PITPNM3: variants seen among roughly 807,000 people sequenced by gnomAD.
The protein encoded by PITPNM3 is membrane-associated phosphatidylinositol transfer protein 3.
Under a neutral mutation model 102.0 loss-of-function variants are expected in PITPNM3, and 26 were observed. The ratio of observed to expected loss-of-function variants is 0.25; its 90% confidence interval spans 0.19 to 0.35. The LOEUF is 0.35. Ranked by LOEUF, PITPNM3 falls within the 10% of genes least tolerant of loss-of-function variation. The probability of loss-of-function intolerance (pLI) is 1.00; values close to 1 mark genes in which losing one functional copy is unlikely to be tolerated. For synonymous variants in PITPNM3, 578 were observed against 558.6 expected (o/e 1.03, Z -0.49); for missense variants, 1,083 against 1,346.1 (o/e 0.80, Z 3.06).
chr17:6,470,350 G>A lies in PITPNM3; in HGVS notation c.1683C>T (p.Val561=). Residue 561 remains valine, a synonymous_variant, in exon 13 of 20, where the codon GTC becomes GTT. Transcript: ENST00000262483. The surrounding 1 kb of genome is among the most constrained non-coding windows in gnomAD (Gnocchi z 4.8). ...GGGCCACGGTGGGGAAGGCCGTGAGGACATCAGGGCAGTACAGGGCATAGT... is the reference window on the plus strand; with the variant it reads ...GGGCCACGGTGGGGAAGGCCGTGAGAACATCAGGGCAGTACAGGGCATAGT... The part of the protein sequence containing the change: ...RIDYALYCPD[V]LTAFPTVALP... 6.2e-7 allele frequency: 1 copy of A among 1,614,176 alleles called. No individual in the cohort carries two copies. Among genetic ancestry groups the A allele is most frequent in the Non-Finnish European group, 8.5e-7 (1 of 1,180,018 alleles).
intron 1 of PITPNM3, among the ~76,000 whole-genome samples, chr17:6,545,982 C>T (rs921600594): frequency 6.6e-6 from 1 of 152,220 alleles, no homozygotes; most frequent in Non-Finnish European, 1.5e-5. Context: ...AAGGCCCCCT[C>T]TCAGGGGAGC....
chr17:6,552,542 G>A (rs565500861), intron 1 of PITPNM3, among the ~76,000 whole-genome samples: 4 of 152,270 alleles, frequency 2.6e-5, no homozygotes, highest in South Asian at 2.1e-4. Context: ...GTCTTACCCC[G>A]GCACTCCTGT....
chr17:6,500,540 T>C (rs980456031), intron 4 of PITPNM3, among the ~76,000 whole-genome samples: 1 of 152,202 alleles, frequency 6.6e-6, no homozygotes, highest in Non-Finnish European at 1.5e-5. Context: ...GAAAAATACA[T>C]CACAGTATTA....
intron 6 of PITPNM3, chr17:6,481,873 GAGAGAGAGAGAGAGA>G: frequency 7.4e-6 from 1 of 135,892 alleles, no homozygotes; most frequent in Non-Finnish European, 1.6e-5. Context: ...GAGAGAGAGA[GAGAGAGAGAGAGAGA>G]GAGAGAGAGA....
intron 6 of PITPNM3, among the ~76,000 whole-genome samples, chr17:6,483,167 A>T (rs1387722514): frequency 6.6e-6 from 1 of 151,840 alleles, no homozygotes; most frequent in Non-Finnish European, 1.5e-5. Flanking sequence ...GATGGTCTTG[A>T]TCTTCTGACC....
rs764662987 is a variant in PITPNM3, at chr17:6,471,259, G to A, written c.1526C>T (p.Ser509Leu). 7 of 1,613,358 alleles carry A rather than the reference G, an allele frequency of 4.3e-6. No individual in the cohort carries two copies. Among genetic ancestry groups the A allele is most frequent in the South Asian group, 2.2e-5 (2 of 91,016 alleles). ...LDAPASPPQA[S>L]RFQRPGRRMS... ...CCTCCGTCCTGGGCGCTGGAACCTC[G>A]AGGCCTGAGGGGGCGAGGCAGGGGC... Residue 509 changes from serine (S) to leucine (L), a missense_variant, in exon 12 of 20, where the codon TCG becomes TTG. This residue lies in a region of PITPNM3 where 410 missense variants were observed against 638.4 expected (regional missense o/e 0.64). Transcript: ENST00000262483.
At chr17:6,471,062 G>T in intron 12 of PITPNM3, 99 bp downstream of exon 12, 1 of 1,412,558 alleles carries the variant, frequency 7.1e-7, no homozygotes. Context: ...CCCTATCCCA[G>T]GGCCTGCCCT....
intron 18 of PITPNM3, among the ~76,000 whole-genome samples, chr17:6,460,118 T>C (rs768519632): frequency 6.6e-6 from 1 of 152,184 alleles, no homozygotes; most frequent in South Asian, 2.1e-4. Flanking sequence ...TCCAAGGTTT[T>C]CAAGATTTGC....
intron 17 of PITPNM3, among the ~76,000 whole-genome samples, chr17:6,461,863 C>CCT (rs1555550767): frequency 6.0e-5 from 9 of 151,228 alleles, no homozygotes; most frequent in Non-Finnish European, 8.9e-5. Context: ...GTGCCTCCCT[C>CCT]CCTCCTCCTC....
chr17:6,553,052 G>A (rs2038114144), intron 1 of PITPNM3, among the ~76,000 whole-genome samples: 1 of 149,430 alleles, frequency 6.7e-6, no homozygotes, highest in African/African-American at 2.5e-5. Context: ...TTACAGGCAC[G>A]AACCACCGCA....
At chr17:6,551,990 C>T (rs2150683889) in intron 1 of PITPNM3, among the ~76,000 whole-genome samples, 1 of 152,286 alleles carries the variant, frequency 6.6e-6, no homozygotes, top group African/African-American at 2.4e-5. Flanking sequence ...TGGCCAAATA[C>T]CTACCTCTCA....
intron 3 of PITPNM3, among the ~76,000 whole-genome samples, chr17:6,522,292 A>G (rs370191147): frequency 0.049 from 7,426 of 151,370 alleles, 264 homozygotes; most frequent in South Asian, 0.15. Flanking sequence ...GTGCGCACAC[A>G]CACACACACA....
chr17:6,471,059 C>T (rs1905042324), intron 12 of PITPNM3, 102 bp downstream of exon 12: 8 of 1,393,392 alleles, frequency 5.7e-6, no homozygotes, highest in African/African-American at 1.4e-5. Context: ...TCTCCCTATC[C>T]CAGGGCCTGC....
intron 15 of PITPNM3, 107 bp from the exon 16 acceptor site, chr17:6,464,425 C>A: frequency 7.9e-7 from 1 of 1,266,796 alleles, no homozygotes; most frequent in Non-Finnish European, 1.1e-6. Context: ...CCTGACATTC[C>A]CTGGCTCCTG....
At chr17:6,523,255 C>T (rs989497319) in intron 3 of PITPNM3, among the ~76,000 whole-genome samples, 1 of 152,218 alleles carries the variant, frequency 6.6e-6, no homozygotes, top group Non-Finnish European at 1.5e-5. Context: ...GACCTGCTAT[C>T]GAATGCACTT....
At chr17:6,555,811 G>A (rs1272033696) in intron 1 of PITPNM3, among the ~76,000 whole-genome samples, 2 of 152,224 alleles carry the variant, frequency 1.3e-5, no homozygotes, top group Non-Finnish European at 2.9e-5. Flanking sequence ...AGAGGCCTCC[G>A]CAGCTGAGGC....
At chr17:6,548,854 C>T (rs534115198) in intron 1 of PITPNM3, among the ~76,000 whole-genome samples, 1 of 152,266 alleles carries the variant, frequency 6.6e-6, no homozygotes, top group East Asian at 1.9e-4. Context: ...CAACGCCCCT[C>T]CCAGACAGAG....
intron 10 of PITPNM3, among the ~76,000 whole-genome samples, 199 bp from the exon 11 acceptor site, chr17:6,473,026 T>C (rs1436509010): frequency 6.6e-6 from 1 of 152,202 alleles, no homozygotes; most frequent in East Asian, 1.9e-4. Context: ...CACCCAGCAC[T>C]GCAGCCGTGC....
chr17:6,469,830 C>T lies in PITPNM3; in HGVS notation c.1773+430G>A, dbSNP rs549586911. Among the ~76,000 whole-genome samples, 8 of 152,338 alleles carry T rather than the reference C, an allele frequency of 5.3e-5. No individual in the cohort carries two copies. The highest frequency in any genetic ancestry group is 1.7e-4 in the African/African-American group (7 of 41,568). On this transcript the variant is annotated intron_variant, in intron 13 of 19. Coordinates refer to ENST00000262483, the MANE Select transcript of PITPNM3 (RefSeq NM_031220.4). This position sits in a 1 kb window ranked among gnomAD's most constrained non-coding sequence, Gnocchi z 4.0. Reference sequence around the variant, plus strand: ...ACCATACCCCTGACCTTGGCCATCACGGCTGTTCATGAACATCATGACCCC... The same window carrying T: ...ACCATACCCCTGACCTTGGCCATCATGGCTGTTCATGAACATCATGACCCC...
Sources: gnomAD v4.1 joint callset for allele counts (sites outside exome capture counted in the v4.1 genomes callset) on GRCh38, gnomAD v4.1.1 for gene constraint, gnomAD v4.1.1 regional missense constraint, Gnocchi (gnomAD v3.1) non-coding constraint, MANE v1.5 for transcripts, NCBI Gene and HGNC (gene_info 2026-07-23, HGNC 2026-07-21) for gene names.